KCNAB1: variants seen among roughly 807,000 people sequenced by gnomAD.
KCNAB1 encodes the protein potassium voltage-gated channel subfamily A regulatory beta subunit 1, also known as voltage-gated potassium channel subunit beta-1.
In KCNAB1, 35 loss-of-function variants were observed where a neutral mutation model predicts 64.6. The observed-to-expected ratio is 0.54, with a 90% confidence interval of 0.41 to 0.72. The LOEUF (loss-of-function observed/expected upper bound fraction) is 0.72, where lower values mean the gene tolerates loss of function less well. Among genes scored for constraint, KCNAB1 ranks in the 30% least tolerant of loss-of-function variants. KCNAB1 has a pLI of 0.00. For synonymous variants in KCNAB1, 177 were observed against 183.8 expected (o/e 0.96, Z 0.30); for missense variants, 401 against 512.9 (o/e 0.78, Z 2.11).
intron 12 of KCNAB1, 118 bp from the exon 13 acceptor site, chr3:156,531,291 C>T (rs781436116): frequency 4.2e-5 from 33 of 790,046 alleles, no homozygotes; most frequent in Non-Finnish European, 6.4e-5. Flanking sequence ...CACTGTACAT[C>T]CTCCACAAAA....
At chr3:156,315,850 TA>T (rs1244114034) in intron 1 of KCNAB1, among the ~76,000 whole-genome samples, 2 of 152,202 alleles carry the variant, frequency 1.3e-5, no homozygotes, top group African/African-American at 4.8e-5. Context: ...TGTGGGGTCC[TA>T]ATGTTTAGAA....
chr3:156,421,698 G>A, intron 2 of KCNAB1, 39 bp downstream of exon 2: 2 of 1,597,048 alleles, frequency 1.3e-6, no homozygotes, highest in African/African-American at 1.3e-5. Flanking sequence ...GGGCTGGAAG[G>A]TGGGAGACTG....
chr3:156,528,178 A>G (rs1303376345), intron 12 of KCNAB1, among the ~76,000 whole-genome samples: 2 of 150,394 alleles, frequency 1.3e-5, no homozygotes, highest in South Asian at 4.2e-4. Context: ...TGCAGTCAAA[A>G]AAAAAAAAAA....
chr3:156,162,153 A>T (rs2108311427), intron 1 of KCNAB1, among the ~76,000 whole-genome samples: 1 of 152,316 alleles, frequency 6.6e-6, no homozygotes, highest in South Asian at 2.1e-4. Flanking sequence ...AAGAACTCAC[A>T]TCTGAAGTGC....
rs191400215 is a variant in KCNAB1, at chr3:156,424,637, C to T, written c.319+2978C>T. On this transcript the variant is annotated intron_variant, in intron 2 of 13. Transcript: ENST00000490337. ...CCAACTATTTACAAGCTTGTGTCTA[C>T]GGTGGAAAATAGTTTAGTCAATAAG... 1.1e-3 allele frequency among the ~76,000 whole-genome samples: 168 copies of T among 152,078 alleles called. No individual in the cohort carries two copies. The South Asian group carries it at 0.016, about 14-fold the overall frequency.
At chr3:156,236,795 C>T (rs1031073042) in intron 1 of KCNAB1, among the ~76,000 whole-genome samples, 1 of 152,048 alleles carries the variant, frequency 6.6e-6, no homozygotes, top group Non-Finnish European at 1.5e-5. Context: ...CAGAGACCTG[C>T]CTGAAACTAG....
intron 1 of KCNAB1, among the ~76,000 whole-genome samples, chr3:156,414,645 A>G (rs572163121): frequency 9.2e-5 from 14 of 152,144 alleles, no homozygotes; most frequent in Non-Finnish European, 1.3e-4. Flanking sequence ...AAACATAAAG[A>G]TGTATTTTTC....
rs1719164265 is a variant in KCNAB1, at chr3:156,537,873, C to T, written c.*1126C>T. 1 of 152,362 alleles carries T rather than the reference C, an allele frequency of 6.6e-6. No homozygotes were observed. The highest frequency in any genetic ancestry group is 2.1e-4 in the South Asian group (1 of 4,822). 9.4% of individuals were successfully genotyped at this position (152,362 alleles called of 1,614,324 possible). On this transcript the variant is annotated 3_prime_UTR_variant, in exon 14 of 14. Coordinates refer to ENST00000490337, the MANE Select transcript of KCNAB1 (RefSeq NM_172160.3). ...ACTGGCTTTGTGAAAAATGCTATGT[C>T]ACTATTCAGAATATGCTGGGTAAAT...
At chr3:156,124,373 C>T (rs73026681) in intron 1 of KCNAB1, among the ~76,000 whole-genome samples, 6,293 of 151,888 alleles carry the variant, frequency 0.041, 270 homozygotes, top group African/African-American at 0.097. Flanking sequence ...GGTGCCATTA[C>T]GCCCAGCTAA....
intron 2 of KCNAB1, among the ~76,000 whole-genome samples, chr3:156,442,236 G>A (rs1717057621): frequency 6.6e-6 from 1 of 152,074 alleles, no homozygotes; most frequent in Admixed American, 6.5e-5. Context: ...TGTTTCTAGG[G>A]GTAGATTTAG....
intron 1 of KCNAB1, among the ~76,000 whole-genome samples, chr3:156,336,530 G>T (rs566207056): frequency 2.0e-3 from 310 of 152,254 alleles, no homozygotes; most frequent in African/African-American, 7.3e-3. Flanking sequence ...AATTTTGACC[G>T]TCCTTGAATT....
chr3:156,449,025 G>A (rs1369468225), intron 2 of KCNAB1, among the ~76,000 whole-genome samples: 1 of 151,972 alleles, frequency 6.6e-6, no homozygotes, highest in Non-Finnish European at 1.5e-5. Context: ...AGTAGCAAGT[G>A]TCGAAGGGCC....
chr3:156,350,019 T>C (rs1576758542), intron 1 of KCNAB1, among the ~76,000 whole-genome samples: 1 of 152,354 alleles, frequency 6.6e-6, no homozygotes, highest in East Asian at 1.9e-4. Flanking sequence ...TGTTCATCTT[T>C]TTTCCAACTA....
At chr3:156,439,192 C>CAAAA (rs34540022) in intron 2 of KCNAB1, among the ~76,000 whole-genome samples, 1 of 132,078 alleles carries the variant, frequency 7.6e-6, no homozygotes, top group Non-Finnish European at 1.6e-5. Context: ...TGTAAATTCT[C>CAAAA]AAAAAAAAAA....
intron 1 of KCNAB1, among the ~76,000 whole-genome samples, chr3:156,241,965 A>G (rs557610715): frequency 6.6e-5 from 10 of 152,320 alleles, no homozygotes; most frequent in South Asian, 4.1e-4. Flanking sequence ...TTTCTTTTCT[A>G]TCTTCCAGTG....
upstream of KCNAB1, among the ~76,000 whole-genome samples, chr3:156,120,267 T>A (rs549213923): frequency 7.2e-5 from 11 of 152,240 alleles, no homozygotes; most frequent in Admixed American, 7.2e-4. Context: ...CAAACCTATA[T>A]GACCAAAAGT....
chr3:156,332,134 G>A (rs1723380435), intron 1 of KCNAB1, among the ~76,000 whole-genome samples: 1 of 152,078 alleles, frequency 6.6e-6, no homozygotes, highest in Non-Finnish European at 1.5e-5. Context: ...AATAGTATGT[G>A]GGGTTTTTAA....
chr3:156,339,882 G>A (rs931293646), intron 1 of KCNAB1, among the ~76,000 whole-genome samples: 3 of 152,204 alleles, frequency 2.0e-5, no homozygotes, highest in Admixed American at 2.0e-4. Context: ...TGGAAGACAG[G>A]ATGATCCAGT....
chr3:156,474,942 G>A (rs998720877), intron 8 of KCNAB1, 122 bp downstream of exon 8: 2 of 788,970 alleles, frequency 2.5e-6, no homozygotes, highest in African/African-American at 3.4e-5. Flanking sequence ...AAATAAAAAT[G>A]TTTCTGACTG....
Sources: gnomAD v4.1 joint callset for allele counts (sites outside exome capture counted in the v4.1 genomes callset) on GRCh38, gnomAD v4.1.1 for gene constraint, MANE v1.5 for transcripts, NCBI Gene and HGNC (gene_info 2026-07-23, HGNC 2026-07-21) for gene names.